The following CAST variants were observed in gnomAD, a reference collection of about 807,000 sequenced individuals.
CAST encodes calpastatin.
In CAST, 76 loss-of-function variants were observed where a neutral mutation model predicts 119.6. That is an observed-to-expected ratio of 0.64 (90% CI 0.53 to 0.77). The LOEUF (loss-of-function observed/expected upper bound fraction) is 0.77, where lower values mean the gene tolerates loss of function less well. Ranked by LOEUF, CAST falls within the 30% of genes least tolerant of loss-of-function variation. The pLI, the probability that CAST is intolerant of heterozygous loss-of-function variation, is 0.00. For missense variants in CAST, 953 were observed against 946.5 expected, an observed-to-expected ratio of 1.01 and a Z score of -0.09; for synonymous variants, 319 against 331.6, an observed-to-expected ratio of 0.96 and a Z score of 0.41.
the CAST span, among the ~76,000 whole-genome samples, chr5:96,366,997 T>A: frequency 6.6e-6 from 1 of 152,174 alleles, no homozygotes; most frequent in African/African-American, 2.4e-5. Context: ...GGTGTACAGA[T>A]GGGGTTTTGG....
the CAST span, among the ~76,000 whole-genome samples, chr5:96,479,450 C>CTTTTTT: frequency 1.0e-4 from 12 of 115,298 alleles, 3 homozygotes; most frequent in African/African-American, 1.7e-4. Context: ...CCAGGCACTC[C>CTTTTTT]TTATTTTTTT....
At chr5:96,148,953 A>G in the CAST span, among the ~76,000 whole-genome samples, 2 of 152,224 alleles carry the variant, frequency 1.3e-5, no homozygotes, top group African/African-American at 2.4e-5. Context: ...CACATTTTCT[A>G]AAGTCTAAAT....
chr5:96,198,470 G>A, the CAST span, among the ~76,000 whole-genome samples: 17 of 151,960 alleles, frequency 1.1e-4, no homozygotes, highest in African/African-American at 2.9e-4. Context: ...GGAAAGCAGC[G>A]CTCCCCAAGC....
the CAST span, among the ~76,000 whole-genome samples, chr5:96,323,818 G>C: frequency 6.6e-6 from 1 of 152,228 alleles, no homozygotes; most frequent in East Asian, 1.9e-4. Flanking sequence ...GCCCTGAAGA[G>C]AAGTGCTTCC....
chr5:96,704,417 C>T (rs1051783049), intron 3 of CAST, among the ~76,000 whole-genome samples: 3 of 152,012 alleles, frequency 2.0e-5, no homozygotes, highest in African/African-American at 7.2e-5. Context: ...AAGAATGAAA[C>T]CAGAAAGAAA....
intron 1 of CAST, among the ~76,000 whole-genome samples, chr5:96,549,621 G>A (rs1310336706): frequency 6.6e-6 from 1 of 152,132 alleles, no homozygotes; most frequent in Non-Finnish European, 1.5e-5. Context: ...GGGGGTTGGG[G>A]GATTTCCCTT....
At chr5:96,001,297 G>T in the CAST span, among the ~76,000 whole-genome samples, 1 of 152,178 alleles carries the variant, frequency 6.6e-6, no homozygotes, top group Non-Finnish European at 1.5e-5. Flanking sequence ...TGCATATTTT[G>T]TGCTAGTTAT....
chr5:96,138,050 A>G, the CAST span, among the ~76,000 whole-genome samples: 2 of 152,024 alleles, frequency 1.3e-5, no homozygotes, highest in East Asian at 3.8e-4. Flanking sequence ...GTTATAAATG[A>G]AGTTCATCAT....
chr5:96,746,339 C>A lies in CAST; in HGVS notation c.1201-3C>A. On this transcript the variant is annotated splice_polypyrimidine_tract_variant and splice_region_variant and intron_variant, in intron 16 of 31. Transcript: ENST00000675179. ...CTTTTTTTTTCCCCTCCATTTTCATCAGGCAAAAGCTAAAGAAGAAAAACT... is the reference window on the plus strand; with the variant it reads ...CTTTTTTTTTCCCCTCCATTTTCATAAGGCAAAAGCTAAAGAAGAAAAACT... 1 of 1,583,368 alleles carries A rather than the reference C, an allele frequency of 6.3e-7. No homozygotes were observed. The highest frequency in any genetic ancestry group is 8.7e-7 in the Non-Finnish European group (1 of 1,152,142).
At chr5:96,156,764 G>T in the CAST span, among the ~76,000 whole-genome samples, 43 of 152,266 alleles carry the variant, frequency 2.8e-4, no homozygotes, top group Non-Finnish European at 5.0e-4. Context: ...CCCACCATTT[G>T]ATTATGCCAT....
the CAST span, among the ~76,000 whole-genome samples, chr5:96,339,735 C>T: frequency 1.3e-5 from 2 of 152,150 alleles, no homozygotes; most frequent in Non-Finnish European, 1.5e-5. Context: ...TGGAGGAGAG[C>T]TAAGGTGAGT....
At chr5:96,544,229 T>C (rs1745964430) in intron 1 of CAST, among the ~76,000 whole-genome samples, 2 of 152,340 alleles carry the variant, frequency 1.3e-5, no homozygotes, top group African/African-American at 2.4e-5. Flanking sequence ...ATATTCTTTG[T>C]TGTTTTCTAT....
At chr5:96,485,497 G>A in the CAST span, among the ~76,000 whole-genome samples, 6 of 152,098 alleles carry the variant, frequency 3.9e-5, no homozygotes, top group East Asian at 1.9e-4. Flanking sequence ...TCATAGAGCC[G>A]ATTTGGTGGT....
At chr5:96,249,974 CT>C in the CAST span, among the ~76,000 whole-genome samples, 1 of 152,176 alleles carries the variant, frequency 6.6e-6, no homozygotes, top group East Asian at 1.9e-4. Flanking sequence ...GGGCTGACAT[CT>C]GCTTCTCCTG....
At chr5:96,180,028 GA>G in the CAST span, among the ~76,000 whole-genome samples, 9 of 146,228 alleles carry the variant, frequency 6.2e-5, no homozygotes, top group Non-Finnish European at 9.1e-5. Flanking sequence ...ATCTCAAAAA[GA>G]AAAAAAAAAG....
chr5:96,090,557 A>G, the CAST span, among the ~76,000 whole-genome samples: 2 of 152,122 alleles, frequency 1.3e-5, no homozygotes, highest in Non-Finnish European at 2.9e-5. Flanking sequence ...GGAGCTACCT[A>G]GAATCTTTTT....
chr5:96,408,032 G>C, the CAST span, among the ~76,000 whole-genome samples: 1 of 152,206 alleles, frequency 6.6e-6, no homozygotes, highest in East Asian at 1.9e-4. Flanking sequence ...AATTTTGTAA[G>C]ATGTGTGTGT....
At chr5:96,735,212 C>T (rs187040538) in intron 9 of CAST, among the ~76,000 whole-genome samples, 1 of 152,316 alleles carries the variant, frequency 6.6e-6, no homozygotes, top group Admixed American at 6.5e-5. Context: ...TTTCATACTT[C>T]GTATAGATTC....
chr5:96,532,770 A>C (rs574069665), intron 1 of CAST, among the ~76,000 whole-genome samples: 1 of 152,292 alleles, frequency 6.6e-6, no homozygotes, highest in South Asian at 2.1e-4. Flanking sequence ...GAATCACTTG[A>C]ACCTCGGAGG....
Sources: allele counts gnomAD v4.1 joint callset (sites outside exome capture counted in the v4.1 genomes callset), GRCh38; gene constraint gnomAD v4.1.1; transcripts MANE v1.5; gene names NCBI Gene and HGNC (gene_info 2026-07-23, HGNC 2026-07-21).